The following GPC6 variants were observed in gnomAD, a reference collection of about 807,000 sequenced individuals.
GPC6 encodes glypican 6.
Under a neutral mutation model 55.2 loss-of-function variants are expected in GPC6, and 14 were observed. The observed-to-expected ratio is 0.25, with a 90% confidence interval of 0.17 to 0.40. The LOEUF (loss-of-function observed/expected upper bound fraction) is 0.40. GPC6 is among the 10% of genes least tolerant of loss of function. The pLI is 1.00. For synonymous variants in GPC6, 278 were observed against 259.6 expected (o/e 1.07, Z -0.68); for missense variants, 641 against 708.5 (o/e 0.90, Z 1.08).
intron 2 of GPC6, among the ~76,000 whole-genome samples, chr13:93,585,063 A>G (rs9524136): frequency 0.7 from 105,926 of 152,070 alleles, 40,786 homozygotes; most frequent in Non-Finnish European, 0.85. Flanking sequence ...AAAATTTATG[A>G]AAATATTTTT....
At chr13:93,620,923 T>C (rs1594317527) in intron 2 of GPC6, among the ~76,000 whole-genome samples, 1 of 152,180 alleles carries the variant, frequency 6.6e-6, no homozygotes, top group Non-Finnish European at 1.5e-5. Context: ...TTCATCTCAT[T>C]GGGCTGCACT....
At chr13:93,238,268 A>G (rs537997503) in intron 1 of GPC6, among the ~76,000 whole-genome samples, 1 of 152,172 alleles carries the variant, frequency 6.6e-6, no homozygotes, top group Non-Finnish European at 1.5e-5. Flanking sequence ...CTCTCCTTGT[A>G]GAGATCTCTC....
chr13:94,119,756 C>T (rs1886559597), intron 4 of GPC6, among the ~76,000 whole-genome samples: 1 of 152,062 alleles, frequency 6.6e-6, no homozygotes, highest in African/African-American at 2.4e-5. Flanking sequence ...TTGTTTTACT[C>T]AGCAGTATGC....
At chr13:94,023,504 G>A (rs539562720) in intron 3 of GPC6, among the ~76,000 whole-genome samples, 1 of 151,846 alleles carries the variant, frequency 6.6e-6, no homozygotes, top group Non-Finnish European at 1.5e-5. Context: ...TAAAACTGGA[G>A]GTCTCACATA....
At chr13:93,668,486 G>A (rs994682101) in intron 2 of GPC6, among the ~76,000 whole-genome samples, 4 of 152,168 alleles carry the variant, frequency 2.6e-5, no homozygotes, top group Non-Finnish European at 5.9e-5. Flanking sequence ...TTGCAAAACA[G>A]GTTTTGAAAA....
intron 2 of GPC6, among the ~76,000 whole-genome samples, chr13:93,783,118 C>T (rs928920775): frequency 6.6e-5 from 10 of 152,252 alleles, no homozygotes; most frequent in African/African-American, 9.6e-5. Flanking sequence ...TAATGGCTTC[C>T]GGCTTCATCC....
At chr13:93,660,402 A>G (rs1017369236) in intron 2 of GPC6, among the ~76,000 whole-genome samples, 2 of 152,146 alleles carry the variant, frequency 1.3e-5, no homozygotes, top group Non-Finnish European at 2.9e-5. Context: ...TGTTTATGGT[A>G]CTTCTTGTTG....
intron 3 of GPC6, among the ~76,000 whole-genome samples, chr13:93,953,115 C>T (rs1171219364): frequency 6.6e-6 from 1 of 151,882 alleles, no homozygotes; most frequent in Non-Finnish European, 1.5e-5. Context: ...GTTGCCTTCA[C>T]TCTGTCTGTG....
At chr13:93,895,234 G>GTATATATATATA (rs60375718) in intron 3 of GPC6, among the ~76,000 whole-genome samples, 1 of 108,200 alleles carries the variant, frequency 9.2e-6, no homozygotes, top group Non-Finnish European at 1.9e-5. Flanking sequence ...GTGTGTGTGT[G>GTATATATATATA]TATATATATA....
chr13:94,049,285 C>G lies in GPC6; in HGVS notation c.877+21391C>G, dbSNP rs572552070. On this transcript the variant is annotated intron_variant, in intron 4 of 8. Transcript: ENST00000377047. The stretch of plus-strand genomic sequence containing the variant: ...AAAAGAGGCATTGTCCCTGTGGTCA[C>G]TATCTCCTCCCTCCTCCCCAACCCC... Among the ~76,000 whole-genome samples, 10 of 151,076 alleles carry G rather than the reference C, an allele frequency of 6.6e-5. No homozygotes were observed. The South Asian group carries it at 2.1e-3, about 32-fold the overall frequency.
intron 2 of GPC6, among the ~76,000 whole-genome samples, chr13:93,689,759 G>A (rs1298734426): frequency 6.6e-6 from 1 of 152,062 alleles, no homozygotes; most frequent in Non-Finnish European, 1.5e-5. Flanking sequence ...CTAATTTGCA[G>A]CAATGTTGCC....
At chr13:94,084,370 T>C (rs578113781) in intron 4 of GPC6, among the ~76,000 whole-genome samples, 3 of 152,292 alleles carry the variant, frequency 2.0e-5, no homozygotes, top group African/African-American at 7.2e-5. Flanking sequence ...TAATGCAACT[T>C]CATTATATAT....
intron 1 of GPC6, among the ~76,000 whole-genome samples, chr13:93,459,829 A>G (rs941339641): frequency 6.6e-6 from 1 of 152,204 alleles, no homozygotes; most frequent in Non-Finnish European, 1.5e-5. Context: ...GATTTTAATA[A>G]GATATCAACA....
intron 2 of GPC6, among the ~76,000 whole-genome samples, chr13:93,799,433 ATC>A (rs1159009664): frequency 2.0e-5 from 3 of 152,212 alleles, no homozygotes; most frequent in Non-Finnish European, 2.9e-5. Flanking sequence ...ACTAATTTTT[ATC>A]TCTCATTTTA....
intron 1 of GPC6, among the ~76,000 whole-genome samples, chr13:93,315,878 A>G (rs912277819): frequency 6.6e-6 from 1 of 152,006 alleles, no homozygotes; most frequent in African/African-American, 2.4e-5. Context: ...GATGACATAT[A>G]TGAGCAAGAT....
intron 6 of GPC6, among the ~76,000 whole-genome samples, chr13:94,364,757 T>C (rs1237182258): frequency 6.6e-6 from 1 of 152,152 alleles, no homozygotes; most frequent in Admixed American, 6.5e-5. Flanking sequence ...TGCCTGCCTG[T>C]GTGCAGCTGT....
intron 2 of GPC6, among the ~76,000 whole-genome samples, chr13:93,657,349 G>A (rs1027726193): frequency 2.6e-5 from 4 of 152,078 alleles, no homozygotes; most frequent in Non-Finnish European, 5.9e-5. Flanking sequence ...AAGCAATGGG[G>A]AAAGGACTTT....
chr13:94,361,789 T>A (rs147322782), intron 6 of GPC6, among the ~76,000 whole-genome samples: 12 of 152,196 alleles, frequency 7.9e-5, no homozygotes, highest in Non-Finnish European at 7.4e-5. Context: ...TGGAACAGAT[T>A]AAAGGGTGCA....
chr13:93,644,445 A>G (rs1449773553), intron 2 of GPC6, among the ~76,000 whole-genome samples: 2 of 152,064 alleles, frequency 1.3e-5, no homozygotes, highest in Non-Finnish European at 2.9e-5. Context: ...CAAGCCCAAC[A>G]TCCAACAATA....
Sources: allele counts gnomAD v4.1 joint callset (sites outside exome capture counted in the v4.1 genomes callset), GRCh38; gene constraint gnomAD v4.1.1; transcripts MANE v1.5; gene names NCBI Gene and HGNC (gene_info 2026-07-23, HGNC 2026-07-21).